Variants in NAV2 observed in about 807,000 individuals in gnomAD.
NAV2 encodes the protein neuron navigator 2.
In NAV2, 54 loss-of-function variants were observed where a neutral mutation model predicts 223.2. That is an observed-to-expected ratio of 0.24 (90% confidence interval 0.19 to 0.30). The LOEUF (loss-of-function observed/expected upper bound fraction) is 0.30, where lower values mean the gene tolerates loss of function less well. Among genes scored for constraint, NAV2 ranks in the 10% least tolerant of loss-of-function variants. The pLI is 1.00. For synonymous variants in NAV2, 1,279 were observed against 1,239.3 expected (o/e 1.03, Z -0.67); for missense variants, 2,806 against 3,147.5 (o/e 0.89, Z 2.60).
chr11:19,475,928 A>C (rs1383983645), intron 1 of NAV2, among the ~76,000 whole-genome samples: 1 of 152,230 alleles, frequency 6.6e-6, no homozygotes, highest in African/African-American at 2.4e-5. Context: ...CTCAGTCTTC[A>C]CCATGACCTT....
chr11:19,658,095 T>TCTGTG (rs1271162205), intron 1 of NAV2, among the ~76,000 whole-genome samples: 1 of 152,214 alleles, frequency 6.6e-6, no homozygotes, highest in Non-Finnish European at 1.5e-5. Flanking sequence ...TATATTTTAC[T>TCTGTG]CTGTGCTAAG....
intron 1 of NAV2, among the ~76,000 whole-genome samples, chr11:19,410,524 G>C (rs1446762820): frequency 2.6e-5 from 4 of 152,152 alleles, no homozygotes; most frequent in African/African-American, 9.7e-5. Flanking sequence ...GGCTAAGCTG[G>C]GATTTGAACC....
In NAV2 at chr11:20,119,194, T is replaced by TTTC. The variant is rs1363750813; in HGVS notation, c.*936_*937insTTC. ...GCATTGATTTTTGAAGATTTTTTTT[T>TTTC]CCCCCTTCCCCTCTTGGTCAGAATC... On this transcript the variant is annotated 3_prime_UTR_variant, in exon 38 of 38. Transcript: ENST00000349880. 2 of 151,540 alleles carry TTTC rather than the reference T, an allele frequency of 1.3e-5. No individual in the cohort carries two copies. Among genetic ancestry groups the TTTC allele is most frequent in the African/African-American group, 4.8e-5 (2 of 41,270 alleles). 9.4% of individuals were successfully genotyped at this position (151,540 alleles called of 1,614,324 possible).
At chr11:19,973,300 C>A (rs2049410657) in intron 10 of NAV2, among the ~76,000 whole-genome samples, 2 of 152,140 alleles carry the variant, frequency 1.3e-5, no homozygotes, top group African/African-American at 2.4e-5. Flanking sequence ...AGGGAACATA[C>A]AATCCTCAAA....
At chr11:19,650,685 C>T (rs1285926224) in intron 1 of NAV2, among the ~76,000 whole-genome samples, 5 of 152,104 alleles carry the variant, frequency 3.3e-5, no homozygotes, top group Non-Finnish European at 7.4e-5. Flanking sequence ...TATCCAACGA[C>T]AAGTAAATGG....
chr11:19,984,358 A>C, intron 11 of NAV2, 111 bp downstream of exon 11: 1 of 1,511,788 alleles, frequency 6.6e-7, no homozygotes, highest in Non-Finnish European at 9.0e-7. Context: ...ACCCACAGAG[A>C]GGGAGGGGAG....
rs1480707799 is a variant in NAV2 at position 20,044,168 on chromosome 11, C to T, written c.3095C>T (p.Ser1032Phe). ...STSGKKNPVI[S>F]QTGSWRRGMT... The stretch of plus-strand genomic sequence containing the variant: ...TCGGGCAAGAAGAATCCTGTCATCT[C>T]CCAGACAGGCTCATGGCGGCGAGGC... The change falls in exon 13 of 38, where the codon TCC (serine) becomes TTC (phenylalanine). Residue 1032 changes from serine (S) to phenylalanine (F), a missense_variant. Ser to Phe is a radical substitution (Grantham distance 155). This residue lies in a region of NAV2 where 742 missense variants were observed against 777.9 expected (regional missense o/e 0.95). Coordinates refer to ENST00000349880, the MANE Select transcript of NAV2 (RefSeq NM_145117.5). 6.2e-7 allele frequency: 1 copy of T among 1,614,034 alleles called. No homozygotes were observed. Among genetic ancestry groups the T allele is most frequent in the East Asian group, 2.2e-5 (1 of 44,884 alleles).
At chr11:19,366,244 T>C (rs1203161453) in intron 1 of NAV2, among the ~76,000 whole-genome samples, 1 of 152,144 alleles carries the variant, frequency 6.6e-6, no homozygotes, top group Non-Finnish European at 1.5e-5. Flanking sequence ...TCCTGGCTCC[T>C]AAGAGCCCCA....
intron 22 of NAV2, among the ~76,000 whole-genome samples, chr11:20,072,642 G>T (rs2059476153): frequency 6.6e-6 from 1 of 152,092 alleles, no homozygotes; most frequent in South Asian, 2.1e-4. Context: ...CCTTCAAGAG[G>T]TCCTTCACGT....
chr11:19,670,655 C>T (rs922087440), intron 1 of NAV2, among the ~76,000 whole-genome samples: 2 of 152,120 alleles, frequency 1.3e-5, no homozygotes, highest in Non-Finnish European at 2.9e-5. Flanking sequence ...AGGGAGGAGG[C>T]GGGTGCTAAT....
intron 1 of NAV2, among the ~76,000 whole-genome samples, chr11:19,749,061 C>T (rs1396006264): frequency 1.3e-5 from 2 of 152,216 alleles, no homozygotes; most frequent in African/African-American, 4.8e-5. Context: ...TTTAAGCATC[C>T]TCTGTATGAA....
intron 1 of NAV2, among the ~76,000 whole-genome samples, chr11:19,580,744 C>T (rs538539150): frequency 6.6e-6 from 1 of 152,302 alleles, no homozygotes; most frequent in East Asian, 1.9e-4. Context: ...ACCGCATAGA[C>T]CTTCTTGAAC....
chr11:19,360,168 G>A (rs1853851010), intron 1 of NAV2, among the ~76,000 whole-genome samples: 1 of 152,110 alleles, frequency 6.6e-6, no homozygotes, highest in African/African-American at 2.4e-5. Flanking sequence ...CCTGTCTTTG[G>A]CCTGCCAGCC....
At chr11:20,084,536 C>A (rs1226861372) in intron 26 of NAV2, among the ~76,000 whole-genome samples, 4 of 152,162 alleles carry the variant, frequency 2.6e-5, no homozygotes, top group Admixed American at 2.6e-4. Flanking sequence ...GTGTGTACTT[C>A]CTACTGCTAT....
chr11:19,921,930 ATG>A (rs200938968), intron 6 of NAV2, among the ~76,000 whole-genome samples: 1 of 151,250 alleles, frequency 6.6e-6, no homozygotes, highest in African/African-American at 2.4e-5. Flanking sequence ...ATTGCTATAT[ATG>A]TGTGTGTGTG....
intron 5 of NAV2, among the ~76,000 whole-genome samples, chr11:19,883,713 A>G (rs2063356217): frequency 6.6e-6 from 1 of 152,218 alleles, no homozygotes; most frequent in African/African-American, 2.4e-5. Flanking sequence ...TTCTTTTATT[A>G]AGCCTAACTA....
intron 10 of NAV2, among the ~76,000 whole-genome samples, chr11:19,958,714 C>CCAG (rs1455943827): frequency 6.6e-6 from 1 of 152,228 alleles, no homozygotes; most frequent in East Asian, 1.9e-4. Flanking sequence ...ACTGTCACTA[C>CCAG]CAGCAGCAGC....
At chr11:20,080,895 C>G (rs60668810) in intron 25 of NAV2, among the ~76,000 whole-genome samples, 2,036 of 152,268 alleles carry the variant, frequency 0.013, 43 homozygotes, top group African/African-American at 0.047. Flanking sequence ...TTCCACCCCT[C>G]ACTCTCCATC....
chr11:19,999,662 C>A (rs558236812), intron 11 of NAV2, among the ~76,000 whole-genome samples: 1 of 152,266 alleles, frequency 6.6e-6, no homozygotes, highest in South Asian at 2.1e-4. Flanking sequence ...TGAGTCACCG[C>A]ACTGGGCCAG....
Sources: gnomAD v4.1 joint callset for allele counts (sites outside exome capture counted in the v4.1 genomes callset) on GRCh38, gnomAD v4.1.1 for gene constraint, gnomAD v4.1.1 regional missense constraint, MANE v1.5 for transcripts, NCBI Gene and HGNC (gene_info 2026-07-23, HGNC 2026-07-21) for gene names.